BIRC6: variants seen among roughly 807,000 people sequenced by gnomAD.
BIRC6 encodes the protein baculoviral IAP repeat containing 6.
BIRC6 carries 98 observed loss-of-function variants against 503.3 expected under a neutral mutation model. The observed-to-expected ratio is 0.19, with a 90% confidence interval of 0.17 to 0.23. The LOEUF (loss-of-function observed/expected upper bound fraction) is 0.23. Among genes scored for constraint, BIRC6 ranks in the 10% least tolerant of loss-of-function variants. The pLI is 1.00. For missense variants in BIRC6, 5,360 were observed against 5,806.0 expected (o/e 0.92, Z 2.50); for synonymous variants, 2,240 against 2,078.7 (o/e 1.08, Z -2.11).
intron 9 of BIRC6, among the ~76,000 whole-genome samples, chr2:32,409,337 G>A (rs989042812): frequency 4.0e-5 from 6 of 151,860 alleles, no homozygotes; most frequent in Non-Finnish European, 8.8e-5. Context: ...TGTATTTTTT[G>A]TAGAGATAGG....
At chr2:32,531,676 A>G in intron 61 of BIRC6, 125 bp downstream of exon 61, 5 of 814,686 alleles carry the variant, frequency 6.1e-6, no homozygotes, top group Non-Finnish European at 7.5e-6. Flanking sequence ...TATTTTTTGA[A>G]CATTATATAA....
chr2:32,543,201 A>G (rs780638367), intron 61 of BIRC6, 40 bp from the exon 62 acceptor site: 25 of 1,576,734 alleles, frequency 1.6e-5, no homozygotes, highest in Non-Finnish European at 2.0e-5. Context: ...CTGATGTTGA[A>G]AATGTGAATG....
At chr2:32,436,876 T>C (rs2044769336) in intron 15 of BIRC6, among the ~76,000 whole-genome samples, 1 of 139,034 alleles carries the variant, frequency 7.2e-6, no homozygotes, top group African/African-American at 2.7e-5. Flanking sequence ...AGAGGTTTTT[T>C]TTGTTTTTTC....
Position 32,493,597 on chromosome 2 carries a change from C to G in BIRC6, c.8398C>G (p.Leu2800Val). Residue 2800 changes from leucine to valine, a missense_variant, in exon 45 of 74, where the codon CTT becomes GTT. Around this residue, in one of 16 missense-constraint regions of BIRC6, gnomAD observed 2,299 missense variants for 2,267.2 expected, o/e 1.01. Coordinates refer to ENST00000421745, the MANE Select transcript of BIRC6 (RefSeq NM_016252.4). ...ATTTCTTACTCGATTACAAGTGCAT[C>G]TTTCTTCAACATGTCCTCAGATATT... ...QEFLTRLQVH[L>V]SSTCPQIFSE... The G allele has an allele frequency of 6.2e-7, 1 of 1,609,042 alleles. No homozygotes were observed. Among genetic ancestry groups the G allele is most frequent in the South Asian group, 1.1e-5 (1 of 90,754 alleles).
At position 32,434,454 on chromosome 2, in the gene BIRC6, C is replaced by T. The variant is rs573693407; in HGVS notation, c.3409+650C>T. 7.9e-5 allele frequency among the ~76,000 whole-genome samples: 12 copies of T among 152,064 alleles called. No individual in the cohort carries two copies. In the South Asian group the frequency reaches 2.5e-3, roughly 32 times the overall value. On this transcript the variant is annotated intron_variant, in intron 13 of 73. Coordinates refer to ENST00000421745, the MANE Select transcript of BIRC6 (RefSeq NM_016252.4). ...CTCTCTATCTGTGGGTTTCACATCC[C>T]AGGAGTCAACCAACCTCAGAAACAA...
At chr2:32,565,204 AG>A (rs1301849323) in intron 65 of BIRC6, 1 of 152,228 alleles carries the variant, frequency 6.6e-6, no homozygotes, top group African/African-American at 2.4e-5. Flanking sequence ...TAAATGTTTT[AG>A]AACCTTACAG....
At chr2:32,474,519 A>C (rs1419946136) in intron 33 of BIRC6, among the ~76,000 whole-genome samples, 1 of 152,174 alleles carries the variant, frequency 6.6e-6, no homozygotes, top group Non-Finnish European at 1.5e-5. Flanking sequence ...TTGAGGGATA[A>C]TTGGTGGTCA....
At chr2:32,431,173 CTGTTTATCTT>C in intron 12 of BIRC6, 83 bp downstream of exon 12, 1 of 150,388 alleles carries the variant, frequency 6.6e-6, no homozygotes, top group South Asian at 7.2e-5. Context: ...AGGTATATTA[CTGTTTATCTT>C]TTTTTTTTTT....
At chr2:32,558,290 A>G (rs1238041739) in intron 65 of BIRC6, among the ~76,000 whole-genome samples, 1 of 151,324 alleles carries the variant, frequency 6.6e-6, no homozygotes, top group Non-Finnish European at 1.5e-5. Flanking sequence ...AACTAGGCTG[A>G]TGTATTTAAT....
Position 32,464,980 on chromosome 2 carries a change from T to C in BIRC6, c.5257-85T>C, listed in dbSNP as rs1002860636. ...TACATACATTAAGAGAAGAAACTTA[T>C]TAATTTGCTATTATGGTTAGTAGTT... is the stretch of plus-strand genomic sequence containing the variant. On this transcript the variant is annotated intron_variant, in intron 25 of 73. Transcript: ENST00000421745. 13 of 1,309,540 alleles carry C rather than the reference T, an allele frequency of 9.9e-6. No homozygotes were observed. The African/African-American group carries it at 1.5e-4, about 15-fold the overall frequency. 81.1% of individuals were successfully genotyped at this position (1,309,540 alleles called of 1,614,324 possible). A position where few individuals can be genotyped will look rare whatever the true frequency, so the allele number is the denominator to read the frequency against.
chr2:32,509,787 C>A lies in BIRC6; in HGVS notation c.10030C>A (p.Leu3344Ile). 1.2e-6 allele frequency: 2 copies of A among 1,613,980 alleles called. No homozygotes were observed. Among genetic ancestry groups the A allele is most frequent in the East Asian group, 2.2e-5 (1 of 44,886 alleles). ...TCATTGCCTTACTCACATAAGTGAT[C>A]TAGAAGGAATGATGGCAAGTGCAGC... Reference protein sequence around the residue: ...LHHCLTHISDLEGMMASAAAP... With the variant: ...LHHCLTHISDIEGMMASAAAP... Residue 3344 changes from leucine to isoleucine, a missense_variant, in exon 52 of 74, where the codon CTA becomes ATA. By Grantham distance (5) the Leu-to-Ile change is conservative (BLOSUM62 2). Transcript: ENST00000421745.
intron 1 of BIRC6, among the ~76,000 whole-genome samples, chr2:32,370,994 C>G (rs896990589): frequency 6.6e-6 from 1 of 151,736 alleles, no homozygotes; most frequent in African/African-American, 2.4e-5. Context: ...AAATTTCTTT[C>G]CTTTGAAATT....
At chr2:32,532,061 C>T in intron 61 of BIRC6, 2 of 518,216 alleles carry the variant, frequency 3.9e-6, no homozygotes, top group South Asian at 2.9e-5. Flanking sequence ...AAGTATGGTG[C>T]ATGGAGAGTT....
chr2:32,560,900 T>C (rs1038554373), intron 65 of BIRC6, among the ~76,000 whole-genome samples: 1 of 151,924 alleles, frequency 6.6e-6, no homozygotes, highest in Non-Finnish European at 1.5e-5. Context: ...TCGTGCTTTA[T>C]AAATTGACCT....
intron 61 of BIRC6, chr2:32,532,093 T>C (rs1349466079): frequency 7.6e-6 from 4 of 529,204 alleles, no homozygotes; most frequent in Admixed American, 1.9e-5. Context: ...ACTTTGTGTT[T>C]GTTGAATGAA....
intron 1 of BIRC6, among the ~76,000 whole-genome samples, chr2:32,373,918 A>G (rs1268266114): frequency 2.0e-5 from 3 of 152,228 alleles, no homozygotes; most frequent in African/African-American, 7.2e-5. Flanking sequence ...AACCTTCAGG[A>G]CATTATGCTA....
intron 10 of BIRC6, among the ~76,000 whole-genome samples, chr2:32,418,931 G>A (rs942371847): frequency 5.9e-5 from 9 of 152,154 alleles, no homozygotes; most frequent in Admixed American, 3.9e-4. Context: ...CTAGGCTACC[G>A]AGCAAGATTC....
intron 2 of BIRC6, among the ~76,000 whole-genome samples, chr2:32,379,854 T>C (rs927013418): frequency 1.3e-5 from 2 of 152,192 alleles, no homozygotes; most frequent in Non-Finnish European, 2.9e-5. Context: ...CTGTATTATT[T>C]TTGCTTATGG....
chr2:32,559,394 C>T (rs923481257), intron 65 of BIRC6, among the ~76,000 whole-genome samples: 1 of 152,192 alleles, frequency 6.6e-6, no homozygotes, highest in Non-Finnish European at 1.5e-5. Context: ...TGTTCTTTGT[C>T]AGGCAGGCGC....
Sources: gnomAD v4.1 joint callset for allele counts (sites outside exome capture counted in the v4.1 genomes callset) on GRCh38, gnomAD v4.1.1 for gene constraint, gnomAD v4.1.1 regional missense constraint, MANE v1.5 for transcripts, NCBI Gene and HGNC (gene_info 2026-07-23, HGNC 2026-07-21) for gene names.